Variants in FNDC3B observed in about 807,000 individuals in gnomAD.
FNDC3B encodes the protein fibronectin type III domain-containing protein 3B.
Under a neutral mutation model 151.5 loss-of-function variants are expected in FNDC3B, and 12 were observed. The ratio of observed to expected loss-of-function variants is 0.08; its 90% CI spans 0.05 to 0.13. The LOEUF (loss-of-function observed/expected upper bound fraction) is 0.13, where lower values mean the gene tolerates loss of function less well. FNDC3B is among the 10% of genes least tolerant of loss of function. FNDC3B has a pLI of 1.00. For synonymous variants in FNDC3B, 528 were observed against 549.0 expected, an observed-to-expected ratio of 0.96 and a Z score of 0.54; for missense variants, 1,214 against 1,505.3, an observed-to-expected ratio of 0.81 and a Z score of 3.20.
At chr3:172,140,956 C>T (rs1162521151) in intron 3 of FNDC3B, among the ~76,000 whole-genome samples, 1 of 152,164 alleles carries the variant, frequency 6.6e-6, no homozygotes, top group African/African-American at 2.4e-5. Flanking sequence ...GTTGAGTTCT[C>T]AGAGTACAGC....
At chr3:172,242,015 G>A (rs1165249809) in intron 4 of FNDC3B, among the ~76,000 whole-genome samples, 5 of 152,214 alleles carry the variant, frequency 3.3e-5, no homozygotes, top group Admixed American at 2.0e-4. Context: ...GGGAGAAATT[G>A]GCCCAAACAA....
At chr3:172,198,932 T>C (rs977862095) in intron 3 of FNDC3B, among the ~76,000 whole-genome samples, 1 of 151,946 alleles carries the variant, frequency 6.6e-6, no homozygotes, top group Non-Finnish European at 1.5e-5. Flanking sequence ...CTTAAAGTGA[T>C]TCTCTTGCCT....
At chr3:172,123,444 T>C (rs1359316013) in intron 2 of FNDC3B, among the ~76,000 whole-genome samples, 1 of 151,980 alleles carries the variant, frequency 6.6e-6, no homozygotes, top group Non-Finnish European at 1.5e-5. Flanking sequence ...TGGAATATGG[T>C]AAAATGTTTT....
chr3:172,230,157 T>C (rs1204738807), intron 4 of FNDC3B, among the ~76,000 whole-genome samples: 1 of 152,040 alleles, frequency 6.6e-6, no homozygotes, highest in Non-Finnish European at 1.5e-5. Flanking sequence ...AATTTGACTT[T>C]AAACAAATGA....
At chr3:172,205,612 T>C (rs1725384763) in intron 3 of FNDC3B, among the ~76,000 whole-genome samples, 1 of 152,200 alleles carries the variant, frequency 6.6e-6, no homozygotes, top group South Asian at 2.1e-4. Flanking sequence ...GCACTACGGT[T>C]GGCGAGGGAA....
At chr3:172,349,515 CA>C (rs1733760048) in intron 21 of FNDC3B, among the ~76,000 whole-genome samples, 1 of 151,918 alleles carries the variant, frequency 6.6e-6, no homozygotes, top group African/African-American at 2.4e-5. Flanking sequence ...TGGTGTAAAT[CA>C]AGAAATGTTT....
intron 9 of FNDC3B, among the ~76,000 whole-genome samples, chr3:172,304,632 C>T (rs891035170): frequency 6.6e-6 from 1 of 152,192 alleles, no homozygotes; most frequent in African/African-American, 2.4e-5. Context: ...TGCAGTGGCT[C>T]ACGCCTGTAA....
At chr3:172,120,566 A>AT (rs1249045789) in intron 2 of FNDC3B, among the ~76,000 whole-genome samples, 1 of 148,424 alleles carries the variant, frequency 6.7e-6, no homozygotes, top group Admixed American at 6.6e-5. Context: ...TCATACAGGC[A>AT]TGGGGGGGGG....
At chr3:172,313,422 T>C (rs991150683) in intron 11 of FNDC3B, among the ~76,000 whole-genome samples, 2 of 152,236 alleles carry the variant, frequency 1.3e-5, no homozygotes, top group Non-Finnish European at 2.9e-5. Flanking sequence ...CACCAGCTTG[T>C]GTGCATTTAC....
At chr3:172,132,436 T>C (rs1010191677) in intron 2 of FNDC3B, among the ~76,000 whole-genome samples, 1 of 152,198 alleles carries the variant, frequency 6.6e-6, no homozygotes, top group South Asian at 2.1e-4. Context: ...GATGGAGTCT[T>C]GCTCTGTCAC....
intron 3 of FNDC3B, among the ~76,000 whole-genome samples, chr3:172,149,316 C>T (rs974801893): frequency 6.4e-4 from 98 of 152,200 alleles, no homozygotes; most frequent in African/African-American, 2.1e-3. Flanking sequence ...AGACACCTAA[C>T]GGTTTGAAAC....
At chr3:172,360,684 A>G (rs761743750) in intron 22 of FNDC3B, among the ~76,000 whole-genome samples, 7 of 152,130 alleles carry the variant, frequency 4.6e-5, no homozygotes, top group Non-Finnish European at 7.4e-5. Context: ...TGTTGAAAAG[A>G]CTGTCTTTTC....
At chr3:172,072,974 G>A (rs967012978) in intron 1 of FNDC3B, among the ~76,000 whole-genome samples, 2 of 152,142 alleles carry the variant, frequency 1.3e-5, no homozygotes, top group Non-Finnish European at 1.5e-5. Context: ...AAGGGCCGGA[G>A]TAGTTGTTTC....
At chr3:172,289,536 A>G (rs982580820) in intron 7 of FNDC3B, among the ~76,000 whole-genome samples, 7 of 152,118 alleles carry the variant, frequency 4.6e-5, no homozygotes, top group Admixed American at 2.6e-4. Flanking sequence ...TTCCAGCCCA[A>G]TTAGTTGTTT....
At chr3:172,235,454 T>C (rs886709659) in intron 4 of FNDC3B, among the ~76,000 whole-genome samples, 2 of 152,216 alleles carry the variant, frequency 1.3e-5, no homozygotes, top group Non-Finnish European at 2.9e-5. Flanking sequence ...TGGTTAAGGC[T>C]CTTGCCCCTT....
intron 10 of FNDC3B, 67 bp from the exon 11 acceptor site, chr3:172,310,761 A>C: frequency 1.8e-6 from 2 of 1,121,066 alleles, no homozygotes; most frequent in Non-Finnish European, 1.4e-6. Flanking sequence ...TATGTGAGCC[A>C]GGTGGGTAAC....
chr3:172,261,271 C>T lies in FNDC3B; in HGVS notation c.790+9730C>T, dbSNP rs533471192. On this transcript the variant is annotated intron_variant, in intron 6 of 25. Transcript: ENST00000415807. ...AGGTGGAAACCATTTCTGTTAATAC[C>T]TTATCTGAAAGAGTCTCAGCATTTG... Among the ~76,000 whole-genome samples the T allele has an allele frequency of 2.0e-5, 3 of 152,278 alleles. No individual in the cohort carries two copies. In the East Asian group the frequency reaches 5.8e-4, roughly 29 times the overall value.
intron 4 of FNDC3B, among the ~76,000 whole-genome samples, chr3:172,242,319 A>T (rs756017935): frequency 8.5e-5 from 13 of 152,116 alleles, no homozygotes; most frequent in Non-Finnish European, 1.8e-4. Flanking sequence ...GTGCCCCAGT[A>T]GGGACTTTGT....
In FNDC3B at chr3:172,333,103, C is replaced by G. The variant is rs1446417880; in HGVS notation, c.1569C>G (p.His523Gln). 3 of 1,612,028 alleles carry G rather than the reference C, an allele frequency of 1.9e-6. No individual in the cohort carries two copies. The highest frequency in any genetic ancestry group is 2.5e-6 in the Non-Finnish European group (3 of 1,178,282). ...IQEDENDNLF[H>Q]PKYTGEDLTC... ...TGCCTTTTCAGGATAACCTTTTCCACCCAAAATACACTGGAGAGGATTTAA... is the reference window on the plus strand; with the variant it reads ...TGCCTTTTCAGGATAACCTTTTCCAGCCAAAATACACTGGAGAGGATTTAA... Residue 523 changes from histidine (H) to glutamine (Q), a missense_variant, in exon 14 of 26, where the codon CAC becomes CAG. Around this residue, in one of 7 missense-constraint regions of FNDC3B, gnomAD observed 111 missense variants for 96.8 expected, o/e 1.15. Transcript: ENST00000415807.
Sources: allele counts gnomAD v4.1 joint callset (sites outside exome capture counted in the v4.1 genomes callset), GRCh38; gene constraint gnomAD v4.1.1; regional missense constraint gnomAD v4.1.1; transcripts MANE v1.5; gene names NCBI Gene and HGNC (gene_info 2026-07-23, HGNC 2026-07-21).